DGKG: variants seen among roughly 807,000 people sequenced by gnomAD.
DGKG encodes diacylglycerol kinase gamma.
Under a neutral mutation model 105.3 loss-of-function variants are expected in DGKG, and 78 were observed. That is an observed-to-expected ratio of 0.74 (90% CI 0.62 to 0.89). The LOEUF (loss-of-function observed/expected upper bound fraction) is 0.89. DGKG is among the 40% of genes least tolerant of loss of function. The pLI, the probability that DGKG is intolerant of heterozygous loss-of-function variation, is 0.00. For missense variants in DGKG, 958 were observed against 1,020.1 expected (o/e 0.94, Z 0.83); for synonymous variants, 346 against 367.1 (o/e 0.94, Z 0.66).
intron 20 of DGKG, among the ~76,000 whole-genome samples, chr3:186,237,390 A>G (rs1187506768): frequency 6.6e-6 from 1 of 152,196 alleles, no homozygotes; most frequent in African/African-American, 2.4e-5. Context: ...CACACAGATC[A>G]TACAGCCAGT....
At chr3:186,267,831 A>C (rs1029304818) in intron 12 of DGKG, 54 bp from the exon 13 acceptor site, 11 of 1,545,036 alleles carry the variant, frequency 7.1e-6, no homozygotes, top group Admixed American at 3.3e-5. Context: ...GAAACATCAA[A>C]CATGAAGGTG....
chr3:186,279,745 C>A, intron 9 of DGKG, 106 bp downstream of exon 9: 1 of 1,373,542 alleles, frequency 7.3e-7, no homozygotes, highest in Non-Finnish European at 1.0e-6. Context: ...CATGGCACGT[C>A]TGTTGGGCAG....
At chr3:186,327,110 A>G (rs1725378620) in intron 1 of DGKG, among the ~76,000 whole-genome samples, 1 of 152,100 alleles carries the variant, frequency 6.6e-6, no homozygotes. Flanking sequence ...GCTGCACTGA[A>G]CTATAATTGC....
At chr3:186,323,746 C>G (rs539719896) in intron 1 of DGKG, among the ~76,000 whole-genome samples, 55 of 152,184 alleles carry the variant, frequency 3.6e-4, no homozygotes, top group African/African-American at 1.3e-3. Flanking sequence ...ACCATCCTGG[C>G]TAACACAGTG....
chr3:186,323,569 G>A lies in DGKG; in HGVS notation c.-248-2862C>T, dbSNP rs573406892. Among the ~76,000 whole-genome samples, 7 of 152,242 alleles carry A rather than the reference G, an allele frequency of 4.6e-5. No individual in the cohort carries two copies. In the South Asian group the frequency reaches 8.3e-4, roughly 18 times the overall value. On this transcript the variant is annotated intron_variant, in intron 1 of 24. Transcript: ENST00000265022. ...ATCACTTTAGGAGGCTAAGATGGGC[G>A]GATCATGAGGTCAGGAGATCGAGAC...
At chr3:186,274,223 C>T (rs1221039522) in intron 10 of DGKG, among the ~76,000 whole-genome samples, 3 of 152,090 alleles carry the variant, frequency 2.0e-5, no homozygotes, top group Non-Finnish European at 2.9e-5. Flanking sequence ...GGTTTCACTC[C>T]GTCATCCAAG....
At chr3:186,153,442 T>G (rs2108468842) in intron 24 of DGKG, among the ~76,000 whole-genome samples, 1 of 152,318 alleles carries the variant, frequency 6.6e-6, no homozygotes, top group Middle Eastern at 3.4e-3. Flanking sequence ...ATGATTTTCT[T>G]AAAAACTATT....
At chr3:186,313,771 A>T (rs1449644869) in intron 2 of DGKG, among the ~76,000 whole-genome samples, 1 of 152,036 alleles carries the variant, frequency 6.6e-6, no homozygotes, top group Non-Finnish European at 1.5e-5. Context: ...GCAGAGTCCT[A>T]CTCATCGTTA....
intron 22 of DGKG, among the ~76,000 whole-genome samples, chr3:186,180,134 C>T (rs1349177936): frequency 2.0e-5 from 3 of 152,014 alleles, no homozygotes; most frequent in South Asian, 2.1e-4. Flanking sequence ...TCAAGCCAGT[C>T]GTGAAGGGAA....
intron 1 of DGKG, among the ~76,000 whole-genome samples, chr3:186,357,893 G>A (rs1397406841): frequency 6.6e-6 from 1 of 152,216 alleles, no homozygotes; most frequent in Non-Finnish European, 1.5e-5. Flanking sequence ...GAAATCACAT[G>A]CTGCATGTAA....
chr3:186,149,780 C>T lies in DGKG; in HGVS notation c.*310G>A. 9.2e-7 allele frequency: 1 copy of T among 1,085,396 alleles called. No homozygotes were observed. Among genetic ancestry groups the T allele is most frequent in the South Asian group, 3.7e-5 (1 of 27,182 alleles). The allele number at this position is 1,085,396 out of a possible 1,614,324, so 67.2% of individuals were successfully genotyped here. The stretch of plus-strand genomic sequence containing the variant: ...AGAAAGGGGGATTTCCCTTCAGTCT[C>T]AGAAAATTCTGCTCAAGGCCTGTGG... On this transcript the variant is annotated 3_prime_UTR_variant, in exon 25 of 25. Coordinates refer to ENST00000265022, the MANE Select transcript of DGKG (RefSeq NM_001346.3).
At chr3:186,266,399 T>A (rs1722059210) in intron 13 of DGKG, among the ~76,000 whole-genome samples, 1 of 152,212 alleles carries the variant, frequency 6.6e-6, no homozygotes. Context: ...CTGTTAATGG[T>A]CATTTAACTT....
chr3:186,164,750 G>A (rs1031911696), intron 23 of DGKG, 148 bp downstream of exon 23: 1 of 941,156 alleles, frequency 1.1e-6, no homozygotes, highest in Non-Finnish European at 1.6e-6. Context: ...TTGGGAAATG[G>A]TCTACAAAGA....
intron 3 of DGKG, 101 bp downstream of exon 3, chr3:186,306,800 C>G (rs1255898752): frequency 5.3e-6 from 4 of 754,878 alleles, no homozygotes; most frequent in Non-Finnish European, 9.1e-6. Context: ...TGCTGAGGAG[C>G]AAGTTCTTCA....
intron 21 of DGKG, among the ~76,000 whole-genome samples, chr3:186,201,786 A>T (rs1477781522): frequency 6.6e-6 from 1 of 152,232 alleles, no homozygotes; most frequent in Non-Finnish European, 1.5e-5. Context: ...ATAATCAACA[A>T]ACAACTATTG....
rs527461280 is a variant in DGKG at position 186,319,512 on chromosome 3, G to A, written c.67+881C>T. 7.9e-5 allele frequency among the ~76,000 whole-genome samples: 12 copies of A among 152,332 alleles called. No individual in the cohort carries two copies. In the South Asian group the frequency reaches 2.1e-3, roughly 26 times the overall value. On this transcript the variant is annotated intron_variant, in intron 2 of 24. Transcript: ENST00000265022. ...GCTGCAGGCCTCATGATTTACAGAA[G>A]CATCAACACAGTTAATGTGAAGGGA...
chr3:186,259,184 G>T (rs552292919), intron 16 of DGKG, among the ~76,000 whole-genome samples: 1 of 152,236 alleles, frequency 6.6e-6, no homozygotes, highest in African/African-American at 2.4e-5. Context: ...AGTGACATGC[G>T]CATGAGAGAC....
intron 20 of DGKG, among the ~76,000 whole-genome samples, chr3:186,232,775 T>C (rs1250265069): frequency 6.6e-6 from 1 of 152,226 alleles, no homozygotes; most frequent in Non-Finnish European, 1.5e-5. Context: ...TAATTCCATA[T>C]ATTTCTACAT....
At chr3:186,319,945 T>C (rs1456122569) in intron 2 of DGKG, among the ~76,000 whole-genome samples, 4 of 152,226 alleles carry the variant, frequency 2.6e-5, no homozygotes, top group African/African-American at 9.6e-5. Flanking sequence ...CAGTAAACGA[T>C]TGAGTAACAT....
Sources: gnomAD v4.1 joint callset for allele counts (sites outside exome capture counted in the v4.1 genomes callset) on GRCh38, gnomAD v4.1.1 for gene constraint, MANE v1.5 for transcripts, NCBI Gene and HGNC (gene_info 2026-07-23, HGNC 2026-07-21) for gene names.